The following RALYL variants were observed in gnomAD, a reference collection of about 807,000 sequenced individuals.
RALYL encodes the protein RNA-binding Raly-like protein.
A neutral mutation model predicts 35.1 loss-of-function variants in RALYL; 29 were observed. That is an observed-to-expected ratio of 0.83 (90% CI 0.61 to 1.13). The LOEUF is 1.13. Ranked by LOEUF, RALYL falls within the 50% of genes most tolerant of loss-of-function variation. RALYL has a pLI of 0.00. For missense variants in RALYL, 359 were observed against 360.4 expected, an observed-to-expected ratio of 1.00 and a Z score of 0.03; for synonymous variants, 120 against 127.6, an observed-to-expected ratio of 0.94 and a Z score of 0.40.
chr8:84,678,793 T>C (rs1271524658), intron 2 of RALYL: 1 of 153,474 alleles, frequency 6.5e-6, no homozygotes. Flanking sequence ...CTGGCATCTC[T>C]TAAAATGCTG....
chr8:84,338,275 C>A (rs1040381181), intron 1 of RALYL, among the ~76,000 whole-genome samples: 1 of 151,630 alleles, frequency 6.6e-6, no homozygotes. Context: ...CAGAGTGGGA[C>A]CATAGTGCAG....
intron 3 of RALYL, among the ~76,000 whole-genome samples, chr8:84,788,195 A>G (rs1361435809): frequency 6.6e-6 from 1 of 152,052 alleles, no homozygotes; most frequent in African/African-American, 2.4e-5. Context: ...CAGTTTTTGT[A>G]TAAGGTGTAA....
chr8:84,890,056 C>T (rs527481485), intron 8 of RALYL, among the ~76,000 whole-genome samples: 3 of 152,294 alleles, frequency 2.0e-5, no homozygotes, highest in South Asian at 2.1e-4. Flanking sequence ...CAGATAATGC[C>T]ATTTCCTTGC....
chr8:84,839,377 C>A (rs990513643), intron 4 of RALYL, among the ~76,000 whole-genome samples: 7 of 152,204 alleles, frequency 4.6e-5, no homozygotes, highest in African/African-American at 1.7e-4. Context: ...ATTGCTAGCA[C>A]AGCAGTCTGA....
At chr8:84,430,384 T>C (rs930554897) in intron 1 of RALYL, among the ~76,000 whole-genome samples, 1 of 152,214 alleles carries the variant, frequency 6.6e-6, no homozygotes, top group Admixed American at 6.5e-5. Flanking sequence ...CATTGCTTTA[T>C]GGAATTTCTT....
chr8:84,210,883 GCT>G (rs34554121), intron 1 of RALYL, among the ~76,000 whole-genome samples: 42,578 of 151,810 alleles, frequency 0.28, 6,323 homozygotes, highest in African/African-American at 0.38. Context: ...CCTAGTGTGT[GCT>G]CTCGGCATTG....
At chr8:84,352,245 G>T (rs1471244944) in intron 1 of RALYL, among the ~76,000 whole-genome samples, 1 of 149,910 alleles carries the variant, frequency 6.7e-6, no homozygotes, top group Non-Finnish European at 1.5e-5. Flanking sequence ...CCATGCTTTG[G>T]ATTTTACCCG....
At chr8:84,682,044 C>A (rs565497859) in intron 2 of RALYL, among the ~76,000 whole-genome samples, 1 of 152,262 alleles carries the variant, frequency 6.6e-6, no homozygotes, top group South Asian at 2.1e-4. Context: ...GAGTTTTTAG[C>A]ATGAAGGGCT....
chr8:84,236,013 C>A (rs1406483734), intron 1 of RALYL, among the ~76,000 whole-genome samples: 1 of 152,064 alleles, frequency 6.6e-6, no homozygotes, highest in Admixed American at 6.5e-5. Flanking sequence ...AATCCACCCA[C>A]CTTGGCCTCC....
intron 2 of RALYL, among the ~76,000 whole-genome samples, chr8:84,663,284 C>T (rs1183394299): frequency 1.3e-5 from 2 of 152,136 alleles, no homozygotes; most frequent in Non-Finnish European, 2.9e-5. Context: ...AAAAGTGCTG[C>T]AGTGAACATA....
chr8:84,757,612 T>C (rs544549911), intron 2 of RALYL, among the ~76,000 whole-genome samples: 48 of 151,922 alleles, frequency 3.2e-4, no homozygotes, highest in Non-Finnish European at 6.2e-4. Context: ...ATCTAAATGT[T>C]AGTAGAATTA....
chr8:84,756,795 G>A (rs902908490), intron 2 of RALYL, among the ~76,000 whole-genome samples: 1 of 150,180 alleles, frequency 6.7e-6, no homozygotes, highest in Admixed American at 6.6e-5. Context: ...TTTTTTATTA[G>A]CAGAACTAAT....
chr8:84,692,656 A>G (rs539249513), intron 2 of RALYL, among the ~76,000 whole-genome samples: 2 of 152,202 alleles, frequency 1.3e-5, no homozygotes, highest in South Asian at 4.1e-4. Context: ...TTGCTGCAGA[A>G]ACTGAAAAGC....
intron 4 of RALYL, among the ~76,000 whole-genome samples, chr8:84,836,704 T>C (rs534618651): frequency 1.6e-4 from 25 of 152,332 alleles, no homozygotes; most frequent in South Asian, 1.2e-3. Flanking sequence ...GCTAGAAACC[T>C]ACACCAACAT....
At chr8:84,295,237 A>T (rs960335827) in intron 1 of RALYL, among the ~76,000 whole-genome samples, 1 of 152,124 alleles carries the variant, frequency 6.6e-6, no homozygotes, top group African/African-American at 2.4e-5. Context: ...AAGGATAAGG[A>T]TACAACTAAG....
intron 1 of RALYL, among the ~76,000 whole-genome samples, chr8:84,364,116 A>C (rs1376844148): frequency 6.6e-6 from 1 of 152,164 alleles, no homozygotes; most frequent in Admixed American, 6.6e-5. Flanking sequence ...ATGTTAGACC[A>C]AAAAAGATGG....
intron 1 of RALYL, among the ~76,000 whole-genome samples, chr8:84,337,489 T>C (rs893358441): frequency 6.6e-6 from 1 of 152,086 alleles, no homozygotes; most frequent in African/African-American, 2.4e-5. Context: ...TGGTGGATAA[T>C]GGATTTGTGT....
chr8:84,615,326 T>C (rs1429680382), intron 2 of RALYL, among the ~76,000 whole-genome samples: 3 of 141,532 alleles, frequency 2.1e-5, no homozygotes, highest in African/African-American at 9.0e-5. Context: ...CCTGCTATCA[T>C]GTTAAATACA....
chr8:84,668,750 G>A (rs1335283912), intron 2 of RALYL, among the ~76,000 whole-genome samples: 18 of 152,088 alleles, frequency 1.2e-4, no homozygotes. Context: ...TTAGAGCTTG[G>A]ATGATAATGG....
Sources: allele counts gnomAD v4.1 joint callset (sites outside exome capture counted in the v4.1 genomes callset), GRCh38; gene constraint gnomAD v4.1.1; transcripts MANE v1.5; gene names NCBI Gene and HGNC (gene_info 2026-07-23, HGNC 2026-07-21).